LASP1: variants seen among roughly 807,000 people sequenced by gnomAD.
LASP1 encodes the protein LIM and SH3 domain protein 1.
Under a neutral mutation model 38.6 loss-of-function variants are expected in LASP1, and 10 were observed. The observed-to-expected ratio is 0.26, with a 90% CI of 0.16 to 0.44. The LOEUF (loss-of-function observed/expected upper bound fraction) is 0.44. Among genes scored for constraint, LASP1 ranks in the 20% least tolerant of loss-of-function variants. The probability of loss-of-function intolerance (pLI) is 1.00; values close to 1 mark genes in which losing one functional copy is unlikely to be tolerated. For synonymous variants in LASP1, 132 were observed against 140.8 expected, an observed-to-expected ratio of 0.94 and a Z score of 0.44; for missense variants, 243 against 375.7, an observed-to-expected ratio of 0.65 and a Z score of 2.92.
intron 4 of LASP1, among the ~76,000 whole-genome samples, chr17:38,899,881 C>T (rs1186392301): frequency 1.3e-5 from 2 of 151,622 alleles, no homozygotes; most frequent in Non-Finnish European, 2.9e-5. Flanking sequence ...AGGTGCACAC[C>T]ACCACCCCCG....
chr17:38,915,469 C>T (rs910565308), intron 6 of LASP1: 7 of 211,474 alleles, frequency 3.3e-5, no homozygotes, highest in South Asian at 2.9e-4. Flanking sequence ...CTGCTCTCCT[C>T]GCTTCATGAG....
chr17:38,897,240 A>AC (rs1340420521), intron 3 of LASP1, among the ~76,000 whole-genome samples: 4 of 152,094 alleles, frequency 2.6e-5, no homozygotes, highest in African/African-American at 9.7e-5. Flanking sequence ...AAGGACTCTG[A>AC]CCCCCACAGG....
chr17:38,896,837 C>T (rs1382291540), intron 3 of LASP1: 1 of 882,556 alleles, frequency 1.1e-6, no homozygotes, highest in Admixed American at 6.2e-5. Context: ...GCTTTGTGCC[C>T]AGACTTGGTG....
chr17:38,871,730 G>T (rs1364362358), intron 1 of LASP1, among the ~76,000 whole-genome samples: 4 of 152,076 alleles, frequency 2.6e-5, no homozygotes, highest in African/African-American at 9.7e-5. Flanking sequence ...GGGAGTGTGG[G>T]CATATGGGGC....
chr17:38,910,793 G>A (rs912531133), intron 4 of LASP1, among the ~76,000 whole-genome samples: 3 of 145,048 alleles, frequency 2.1e-5, no homozygotes, highest in African/African-American at 7.9e-5. Context: ...CGTGATCTTG[G>A]CTCACTGCGA....
chr17:38,902,387 T>C (rs2143799315), intron 4 of LASP1, among the ~76,000 whole-genome samples: 1 of 149,442 alleles, frequency 6.7e-6, no homozygotes, highest in East Asian at 2.0e-4. Flanking sequence ...TTTTTTTTTT[T>C]TTTTTTTTAA....
chr17:38,901,595 C>T (rs927888872), intron 4 of LASP1, among the ~76,000 whole-genome samples: 7 of 152,144 alleles, frequency 4.6e-5, no homozygotes, highest in African/African-American at 1.2e-4. Flanking sequence ...CCAGAATCAG[C>T]GTCTCTGGGA....
chr17:38,871,995 T>A (rs1381488762), intron 1 of LASP1, among the ~76,000 whole-genome samples: 3 of 152,130 alleles, frequency 2.0e-5, no homozygotes, highest in Non-Finnish European at 4.4e-5. Flanking sequence ...TGTGGTCCCC[T>A]TCTTCTCCAC....
intron 4 of LASP1, among the ~76,000 whole-genome samples, chr17:38,913,446 C>T (rs1294500715): frequency 3.3e-5 from 5 of 152,196 alleles, no homozygotes; most frequent in African/African-American, 7.2e-5. Context: ...GAGGTGGAAT[C>T]GCCTGTTGAT....
chr17:38,876,176 C>CTTTT (rs899457098), intron 1 of LASP1, among the ~76,000 whole-genome samples: 2 of 127,630 alleles, frequency 1.6e-5, no homozygotes, highest in East Asian at 2.2e-4. Context: ...GATCGTTTCT[C>CTTTT]TTTTTTTTTT....
intron 4 of LASP1, among the ~76,000 whole-genome samples, chr17:38,902,903 A>T (rs112498122): frequency 6.6e-6 from 1 of 151,896 alleles, no homozygotes; most frequent in Non-Finnish European, 1.5e-5. Flanking sequence ...GGGTTTTGCC[A>T]TATTGGCTCG....
chr17:38,917,368 AT>A (rs1915161255), intron 6 of LASP1, among the ~76,000 whole-genome samples: 1 of 152,042 alleles, frequency 6.6e-6, no homozygotes, highest in Admixed American at 6.6e-5. Context: ...GGGAGGTAGA[AT>A]GTTGTCTATA....
intron 1 of LASP1, among the ~76,000 whole-genome samples, chr17:38,876,034 G>A (rs1913760648): frequency 6.6e-6 from 1 of 152,122 alleles, no homozygotes; most frequent in Non-Finnish European, 1.5e-5. Context: ...ACCCCTGTTT[G>A]GTGGTGATCC....
At chr17:38,898,869 C>A in intron 4 of LASP1, 1 of 409,156 alleles carries the variant, frequency 2.4e-6, no homozygotes, top group Non-Finnish European at 5.0e-6. Context: ...AACTGGGGGG[C>A]GGGGAGCACC....
chr17:38,900,985 T>C (rs960601393), intron 4 of LASP1, among the ~76,000 whole-genome samples: 7 of 152,170 alleles, frequency 4.6e-5, no homozygotes, highest in African/African-American at 1.7e-4. Context: ...AGGGGGAAGA[T>C]GGTCTTAGAT....
chr17:38,920,174 G>A lies in LASP1; in HGVS notation c.*1396G>A. 1 of 525,636 alleles carries A rather than the reference G, an allele frequency of 1.9e-6. No homozygotes were observed. The highest frequency in any genetic ancestry group is 2.3e-5 in the Admixed American group (1 of 44,292). 32.6% of individuals were successfully genotyped at this position (525,636 alleles called of 1,614,324 possible). ...TGCCATAGGGTCTGCAGCCTGCTGGGGCTAAGCGGTGGAGGAAGGCTCTGT... is the reference window on the plus strand; with the variant it reads ...TGCCATAGGGTCTGCAGCCTGCTGGAGCTAAGCGGTGGAGGAAGGCTCTGT... On this transcript the variant is annotated 3_prime_UTR_variant, in exon 7 of 7. Transcript: ENST00000318008.
chr17:38,870,308 G>T (rs1433793896), intron 1 of LASP1, 50 bp downstream of exon 1: 1 of 1,594,342 alleles, frequency 6.3e-7, no homozygotes, highest in African/African-American at 1.3e-5. Flanking sequence ...GCAGTGCTCC[G>T]AATCCAGGGA....
intron 4 of LASP1, among the ~76,000 whole-genome samples, chr17:38,899,964 A>G (rs1441236536): frequency 6.6e-6 from 1 of 151,822 alleles, no homozygotes; most frequent in Admixed American, 6.6e-5. Flanking sequence ...ACCTGACCTC[A>G]GGTGATGTGC....
rs1914778951 is a variant in LASP1, at chr17:38,906,501, C to T, written c.358-7824C>T. Among the ~76,000 whole-genome samples the T allele has an allele frequency of 2.6e-5, 4 of 152,016 alleles. No individual in the cohort carries two copies. In the South Asian group the frequency reaches 8.3e-4, roughly 32 times the overall value. On this transcript the variant is annotated intron_variant, in intron 4 of 6. Coordinates refer to ENST00000318008, the MANE Select transcript of LASP1 (RefSeq NM_006148.4). ...CTGAGATCGCACCACTGCACTCCATCCTGGGCGACAGAGCAAGACTGTCTC... is the reference window on the plus strand; with the variant it reads ...CTGAGATCGCACCACTGCACTCCATTCTGGGCGACAGAGCAAGACTGTCTC...
Sources: gnomAD v4.1 joint callset for allele counts (sites outside exome capture counted in the v4.1 genomes callset) on GRCh38, gnomAD v4.1.1 for gene constraint, MANE v1.5 for transcripts, NCBI Gene and HGNC (gene_info 2026-07-23, HGNC 2026-07-21) for gene names.